CLYBL: variants seen among roughly 807,000 people sequenced by gnomAD.
CLYBL encodes the protein citramalyl-CoA lyase, also known as citramalyl-CoA lyase, mitochondrial.
In CLYBL, 31 loss-of-function variants were observed where a neutral mutation model predicts 38.9. That is an observed-to-expected ratio of 0.80 (90% CI 0.60 to 1.08). CLYBL has a LOEUF of 1.08. Ranked by LOEUF, CLYBL falls within the 50% of genes least tolerant of loss-of-function variation. CLYBL has a pLI of 0.00. For synonymous variants in CLYBL, 171 were observed against 158.6 expected (o/e 1.08, Z -0.59); for missense variants, 434 against 411.6 (o/e 1.05, Z -0.47).
At chr13:99,712,078 A>AC (rs1389606239) in intron 1 of CLYBL, among the ~76,000 whole-genome samples, 1 of 152,072 alleles carries the variant, frequency 6.6e-6, no homozygotes, top group African/African-American at 2.4e-5. Flanking sequence ...CAAAGGCCTC[A>AC]CCTCCACATT....
In CLYBL at chr13:99,865,117, T is replaced by G. The variant is rs781556496; in HGVS notation, c.634+206T>G. ...GCTGCCCTGCTTCTAGAGCACTGCA[T>G]TATTACTTCTGTTCATTTATAAAAG... is the stretch of plus-strand genomic sequence containing the variant. On this transcript the variant is annotated intron_variant, in intron 5 of 8. Transcript: ENST00000339105. The surrounding 1 kb of genome is among the most constrained non-coding windows in gnomAD (Gnocchi z 4.7). The G allele has an allele frequency of 3.1e-4, 182 of 590,440 alleles. 1 individual carries two copies. The highest frequency in any genetic ancestry group is 1.5e-3 in the Admixed American group (65 of 44,292). The allele number at this position is 590,440 out of a possible 1,614,324, so 36.6% of individuals were successfully genotyped here. A position where few individuals can be genotyped will look rare whatever the true frequency, so the allele number is the denominator to read the frequency against.
At chr13:99,694,408 G>A (rs991279505) in intron 1 of CLYBL, among the ~76,000 whole-genome samples, 6 of 152,178 alleles carry the variant, frequency 3.9e-5, no homozygotes, top group Non-Finnish European at 7.3e-5. Flanking sequence ...GGGGACTTCC[G>A]CAGACACAGC....
At chr13:99,754,476 G>GTCTTGAAC (rs1239751799) in intron 1 of CLYBL, among the ~76,000 whole-genome samples, 1 of 149,176 alleles carries the variant, frequency 6.7e-6, no homozygotes, top group Non-Finnish European at 1.5e-5. Context: ...TCCTAGACTG[G>GTCTTGAAC]TCTTGAACTC....
intron 2 of CLYBL, among the ~76,000 whole-genome samples, chr13:99,817,609 G>A (rs1171048159): frequency 2.7e-5 from 4 of 147,582 alleles, no homozygotes; most frequent in South Asian, 2.2e-4. Context: ...GAGCAGAGAC[G>A]GCGCCACTGC....
chr13:99,836,385 G>C lies in CLYBL; in HGVS notation c.250-22476G>C, dbSNP rs12869989. Among the ~76,000 whole-genome samples, 847 of 152,318 alleles carry C rather than the reference G, an allele frequency of 5.6e-3. 8 individuals are homozygous for C. Among genetic ancestry groups the C allele is most frequent in the African/African-American group, 0.019 (802 of 41,564 alleles). Reference sequence around the variant, plus strand: ...TCAGTTCCAGCACACAGAGTGGACAGTGTTCCAGGGAGTGGCTGCTTATGT... The same window carrying C: ...TCAGTTCCAGCACACAGAGTGGACACTGTTCCAGGGAGTGGCTGCTTATGT... On this transcript the variant is annotated intron_variant, in intron 2 of 8. Coordinates refer to ENST00000339105, the MANE Select transcript of CLYBL (RefSeq NM_206808.5).
intron 2 of CLYBL, among the ~76,000 whole-genome samples, chr13:99,808,632 C>T (rs911876788): frequency 1.7e-4 from 26 of 152,034 alleles, no homozygotes; most frequent in African/African-American, 5.8e-4. Flanking sequence ...TTAATAAAGT[C>T]GTAAATGGTG....
chr13:99,761,693 A>T (rs1165224918), intron 1 of CLYBL, among the ~76,000 whole-genome samples: 2 of 152,244 alleles, frequency 1.3e-5, no homozygotes, highest in Non-Finnish European at 2.9e-5. Flanking sequence ...GAGTAGTAGA[A>T]TTGCTGGATC....
At chr13:99,811,643 C>T (rs1020019031) in intron 2 of CLYBL, among the ~76,000 whole-genome samples, 3 of 152,230 alleles carry the variant, frequency 2.0e-5, no homozygotes, top group East Asian at 1.9e-4. Context: ...CTTTTACTGA[C>T]GCCCAGGAGG....
chr13:99,643,757 C>G (rs1206808711), intron 1 of CLYBL, among the ~76,000 whole-genome samples: 1 of 152,086 alleles, frequency 6.6e-6, no homozygotes, highest in African/African-American at 2.4e-5. Context: ...CCTGTAATCC[C>G]AGCACTTTGG....
chr13:99,886,764 G>C (rs1367347532), intron 7 of CLYBL, among the ~76,000 whole-genome samples: 1 of 152,246 alleles, frequency 6.6e-6, no homozygotes, highest in East Asian at 1.9e-4. Flanking sequence ...CAGGCCCTCA[G>C]ATCGTCCCTG....
Position 99,802,078 on chromosome 13 carries a change from C to G in CLYBL, c.249+29068C>G, listed in dbSNP as rs528686090. ...ATTTACCTAGAATCTTTTTTTTAGT[C>G]CCTTTGGGCTGCTGTAACAAAACAC... On this transcript the variant is annotated intron_variant, in intron 2 of 8. Coordinates refer to ENST00000339105, the MANE Select transcript of CLYBL (RefSeq NM_206808.5). Among the ~76,000 whole-genome samples, 3 of 151,902 alleles carry G rather than the reference C, an allele frequency of 2.0e-5. No homozygotes were observed. The South Asian group carries it at 6.2e-4, about 32-fold the overall frequency.
At chr13:99,665,510 T>C (rs1333417976) in intron 1 of CLYBL, among the ~76,000 whole-genome samples, 1 of 151,998 alleles carries the variant, frequency 6.6e-6, no homozygotes, top group Non-Finnish European at 1.5e-5. Flanking sequence ...ATCTTATGAA[T>C]ATAGTTTTTA....
At chr13:99,674,747 C>G (rs1566606290) in intron 1 of CLYBL, among the ~76,000 whole-genome samples, 1 of 152,020 alleles carries the variant, frequency 6.6e-6, no homozygotes, top group Non-Finnish European at 1.5e-5. Context: ...AAGTCATGAG[C>G]AGTAAGATAG....
At chr13:99,702,882 A>G (rs2048090202) in intron 1 of CLYBL, among the ~76,000 whole-genome samples, 1 of 152,212 alleles carries the variant, frequency 6.6e-6, no homozygotes, top group African/African-American at 2.4e-5. Context: ...GAAGCTGACA[A>G]CATCAGTTAC....
At chr13:99,623,117 T>G (rs2046821197) in intron 1 of CLYBL, among the ~76,000 whole-genome samples, 1 of 152,256 alleles carries the variant, frequency 6.6e-6, no homozygotes, top group Non-Finnish European at 1.5e-5. Context: ...TCCTTTAGGT[T>G]TATACCTAGG....
intron 1 of CLYBL, among the ~76,000 whole-genome samples, chr13:99,678,727 T>C (rs1594115593): frequency 6.6e-6 from 1 of 152,168 alleles, no homozygotes; most frequent in Non-Finnish European, 1.5e-5. Context: ...ACTTACATTG[T>C]GGGTTTGTTA....
At chr13:99,626,641 A>G (rs2046874045) in intron 1 of CLYBL, among the ~76,000 whole-genome samples, 1 of 152,180 alleles carries the variant, frequency 6.6e-6, no homozygotes, top group South Asian at 2.1e-4. Context: ...CTTATAATGT[A>G]CATTTAAATA....
Position 99,752,343 on chromosome 13 carries a change from G to T in CLYBL, c.63-20481G>T, listed in dbSNP as rs114174228. ...TCATTCATTCAGCCTGCATGTGCCA[G>T]ACATGGTGCTGTGAGCTCCATGTAT... On this transcript the variant is annotated intron_variant, in intron 1 of 8. Coordinates refer to ENST00000339105, the MANE Select transcript of CLYBL (RefSeq NM_206808.5). Among the ~76,000 whole-genome samples the T allele has an allele frequency of 6.2e-3, 951 of 152,238 alleles. 9 individuals are homozygous for T. Among genetic ancestry groups the T allele is most frequent in the African/African-American group, 0.022 (899 of 41,536 alleles).
intron 1 of CLYBL, among the ~76,000 whole-genome samples, chr13:99,736,761 G>A (rs972749601): frequency 6.6e-6 from 1 of 152,098 alleles, no homozygotes; most frequent in Admixed American, 6.5e-5. Context: ...GCCCTCTTAT[G>A]CTGAATGAGC....
Sources: allele counts gnomAD v4.1 joint callset (sites outside exome capture counted in the v4.1 genomes callset), GRCh38; gene constraint gnomAD v4.1.1; non-coding constraint Gnocchi (gnomAD v3.1); transcripts MANE v1.5; gene names NCBI Gene and HGNC (gene_info 2026-07-23, HGNC 2026-07-21).